Variants in USP36 observed in about 807,000 individuals in gnomAD.
USP36 encodes the protein ubiquitin specific peptidase 36, also known as ubiquitin carboxyl-terminal hydrolase 36.
In USP36, 59 loss-of-function variants were observed where a neutral mutation model predicts 111.5. The ratio of observed to expected loss-of-function variants is 0.53; its 90% CI spans 0.43 to 0.66. The LOEUF (loss-of-function observed/expected upper bound fraction) is 0.66. USP36 is among the 30% of genes least tolerant of loss of function. The pLI, the probability that USP36 is intolerant of heterozygous loss-of-function variation, is 0.00. For synonymous variants in USP36, 628 were observed against 581.0 expected (o/e 1.08, Z -1.16); for missense variants, 1,488 against 1,468.0 (o/e 1.01, Z -0.22).
At chr17:78,797,909 G>A (rs1178862711) in intron 20 of USP36, 30 bp from the exon 21 acceptor site, 2 of 158,928 alleles carry the variant, frequency 1.3e-5, no homozygotes, top group Admixed American at 1.2e-4. Context: ...AGTCCTGACA[G>A]AGAGAAACGA....
At chr17:78,801,397 G>C (rs992154564) in intron 17 of USP36, among the ~76,000 whole-genome samples, 4 of 152,138 alleles carry the variant, frequency 2.6e-5, no homozygotes, top group African/African-American at 9.7e-5. Flanking sequence ...TTAAGAGTTG[G>C]ATAAATACAA....
intron 4 of USP36, among the ~76,000 whole-genome samples, chr17:78,831,633 C>T (rs1463281625): frequency 6.6e-6 from 1 of 151,880 alleles, no homozygotes; most frequent in Non-Finnish European, 1.5e-5. Flanking sequence ...GAAATTAAGC[C>T]TCTAATCATT....
intron 10 of USP36, among the ~76,000 whole-genome samples, chr17:78,816,027 C>T (rs1236139266): frequency 1.3e-5 from 2 of 152,140 alleles, no homozygotes; most frequent in Non-Finnish European, 2.9e-5. Flanking sequence ...ATATTCTTAG[C>T]AGTAATAGTG....
chr17:78,839,814 A>G lies in USP36; in HGVS notation c.-174+922T>C, dbSNP rs763755761. On this transcript the variant is annotated intron_variant, in intron 1 of 20. Coordinates refer to ENST00000449938, the MANE Select transcript of USP36 (RefSeq NM_001385174.1). ...TAATCACTAGCAATCCCTCCGACGC[A>G]CACACCATCCACACTCTACCCAACT... 5.9e-5 allele frequency among the ~76,000 whole-genome samples: 9 copies of G among 152,268 alleles called. No individual in the cohort carries two copies. The Middle Eastern group carries it at 0.014, about 230-fold the overall frequency.
Position 78,798,669 on chromosome 17 carries a change from C to T in USP36, c.3241-118G>A. 1 of 1,491,604 alleles carries T rather than the reference C, an allele frequency of 6.7e-7. No individual in the cohort carries two copies. Among genetic ancestry groups the T allele is most frequent in the Middle Eastern group, 1.8e-4 (1 of 5,680 alleles). The allele number at this position is 1,491,604 out of a possible 1,614,324, so 92.4% of individuals were successfully genotyped here. A position where few individuals can be genotyped will look rare whatever the true frequency, so the allele number is the denominator to read the frequency against. ...CGGGCTCTCATGAGCTCTCTGGAGA[C>T]CCACTCTTCACAATGACCCCTGTGC... On this transcript the variant is annotated intron_variant, in intron 19 of 20. Coordinates refer to ENST00000449938, the MANE Select transcript of USP36 (RefSeq NM_001385174.1). This position sits in a 1 kb window ranked among gnomAD's most constrained non-coding sequence, Gnocchi z 5.1.
intron 10 of USP36, among the ~76,000 whole-genome samples, chr17:78,816,306 C>T (rs149516702): frequency 1.2e-3 from 179 of 152,064 alleles, no homozygotes; most frequent in Middle Eastern, 6.8e-3. Context: ...ACTATAGGCA[C>T]GCGCCACCAT....
intron 2 of USP36, 143 bp from the exon 3 acceptor site, chr17:78,836,515 C>A (rs1195735824): frequency 4.0e-5 from 44 of 1,109,050 alleles, no homozygotes; most frequent in Non-Finnish European, 5.3e-5. Context: ...ATCAGCTGCA[C>A]AAAGGAAACA....
chr17:78,794,523 T>A (rs138032507), downstream of USP36, among the ~76,000 whole-genome samples: 268 of 152,272 alleles, frequency 1.8e-3, no homozygotes, highest in Non-Finnish European at 2.9e-3. Context: ...CCTGGAGCCG[T>A]CAGTCCTGCC....
chr17:78,827,283 G>A lies in USP36; in HGVS notation c.651C>T (p.Ile217=), dbSNP rs754264254. The change falls in exon 6 of 21, where the codon ATC becomes ATT. Residue 217 remains isoleucine, a synonymous_variant. Transcript: ENST00000449938. ...EDAHEFLRYT[I]DAMQKACLNG... is the part of the protein sequence containing the mutation. ...TCAGGCAGGCTTTCTGCATGGCGTC[G>A]ATGGTGTACCGCAGGAACTCATGCG... The A allele has an allele frequency of 1.4e-4, 223 of 1,613,916 alleles. 1 individual carries two copies. Among genetic ancestry groups the A allele is most frequent in the Non-Finnish European group, 1.2e-4 (142 of 1,180,044 alleles).
downstream of USP36, among the ~76,000 whole-genome samples, chr17:78,795,009 GA>G (rs78492260): frequency 0.018 from 2,043 of 115,518 alleles, 47 homozygotes; most frequent in African/African-American, 0.057. This position sits in a 1 kb window ranked among gnomAD's most constrained non-coding sequence, Gnocchi z 4.5. Context: ...CTCTGTTCGG[GA>G]AAAAAAAAAA....
chr17:78,827,168 T>G, intron 6 of USP36, 77 bp downstream of exon 6: 9 of 1,416,566 alleles, frequency 6.4e-6, no homozygotes, highest in Non-Finnish European at 8.5e-6. Context: ...GGCTGGCTGT[T>G]GCCATAGGAA....
Position 78,807,268 on chromosome 17 carries a change from G to C in USP36, c.1776C>G (p.Asn592Lys). The C allele has an allele frequency of 6.2e-7, 1 of 1,614,052 alleles. No individual in the cohort carries two copies. Among genetic ancestry groups the C allele is most frequent in the Non-Finnish European group, 8.5e-7 (1 of 1,179,992 alleles). Reference sequence around the variant, plus strand: ...CGTCGTTCCCCTTCAGCCCATGCCCGTTGGCAGTGGCTGTAGCCAGGAGCT... The same window carrying C: ...CGTCGTTCCCCTTCAGCCCATGCCCCTTGGCAGTGGCTGTAGCCAGGAGCT... ...SPKLLATATANGHGLKGNDES... is the reference protein window; with the variant it reads ...SPKLLATATAKGHGLKGNDES... Residue 592 changes from asparagine to lysine, a missense_variant, in exon 14 of 21, where the codon AAC (asparagine) becomes AAG (lysine). Coordinates refer to ENST00000449938, the MANE Select transcript of USP36 (RefSeq NM_001385174.1).
rs1409324492 is a variant in USP36 at position 78,806,233 on chromosome 17, T to C, written c.2139A>G (p.Ser713=). The part of the protein sequence containing the change: ...TGNDLRPPPP[S]PSSDLTHPMK... ...TGGGGTGGGTGAGGTCGGAGGATGG[T>C]GAGGGGGGAGGTGGACGGAGGTCAT... Residue 713 remains serine (S), a synonymous_variant, in exon 15 of 21, where the codon TCA becomes TCG. Coordinates refer to ENST00000449938, the MANE Select transcript of USP36 (RefSeq NM_001385174.1). The C allele has an allele frequency of 5.0e-6, 8 of 1,613,130 alleles. No homozygotes were observed. The highest frequency in any genetic ancestry group is 2.7e-5 in the African/African-American group (2 of 74,800).
At chr17:78,820,474 TA>T (rs886269854) in intron 8 of USP36, among the ~76,000 whole-genome samples, 3 of 150,856 alleles carry the variant, frequency 2.0e-5, no homozygotes, top group South Asian at 2.1e-4. Context: ...CAAGCCCCTA[TA>T]AAAAAAAAGC....
chr17:78,797,783 T>C lies in USP36; in HGVS notation c.*117A>G, dbSNP rs1381530615. 2.0e-5 allele frequency: 3 copies of C among 152,842 alleles called. No homozygotes were observed. The highest frequency in any genetic ancestry group is 7.2e-5 in the African/African-American group (3 of 41,422). The allele number at this position is 152,842 out of a possible 1,614,324, so 9.5% of individuals were successfully genotyped here. A position where few individuals can be genotyped will look rare whatever the true frequency, so the allele number is the denominator to read the frequency against. On this transcript the variant is annotated 3_prime_UTR_variant, in exon 21 of 21. Transcript: ENST00000449938. ...TGGACACTGGTACCGGGAGAGCTCC[T>C]ACCGTGACAGGCTCCCAGCGCAGCA...
intron 4 of USP36, among the ~76,000 whole-genome samples, chr17:78,832,536 G>A (rs1396366173): frequency 3.9e-5 from 6 of 152,242 alleles, no homozygotes; most frequent in African/African-American, 9.6e-5. Flanking sequence ...TTACTCACAC[G>A]CTTGCTGCTG....
chr17:78,807,133 G>A lies in USP36; in HGVS notation c.1911C>T (p.Leu637=). 6.2e-7 allele frequency: 1 copy of A among 1,614,252 alleles called. No individual in the cohort carries two copies. The highest frequency in any genetic ancestry group is 8.5e-7 in the Non-Finnish European group (1 of 1,180,042). The change falls in exon 14 of 21, where the codon CTC becomes CTT. Residue 637 remains leucine (L), a synonymous_variant. Transcript: ENST00000449938. ...PQTPRSGAAH[L]CDSQETNCST... Reference sequence around the variant, plus strand: ...AACAGTTCGTTTCCTGAGAATCGCAGAGATGGGCCGCTCCACTCCTGGGGG... The same window carrying A: ...AACAGTTCGTTTCCTGAGAATCGCAAAGATGGGCCGCTCCACTCCTGGGGG...
At chr17:78,790,092 C>CTT (rs113006106) in intron 3 of USP36, among the ~76,000 whole-genome samples, 11 of 145,774 alleles carry the variant, frequency 7.5e-5, no homozygotes, top group Middle Eastern at 3.5e-3. Context: ...AGAATAATAC[C>CTT]TTTTTTTTTT....
intron 4 of USP36, among the ~76,000 whole-genome samples, chr17:78,834,737 T>C (rs1052630673): frequency 6.6e-6 from 1 of 152,112 alleles, no homozygotes; most frequent in African/African-American, 2.4e-5. Context: ...CCTTGATTTG[T>C]TTTTGTAGAG....
Sources: allele counts gnomAD v4.1 joint callset (sites outside exome capture counted in the v4.1 genomes callset), GRCh38; gene constraint gnomAD v4.1.1; non-coding constraint Gnocchi (gnomAD v3.1); transcripts MANE v1.5; gene names NCBI Gene and HGNC (gene_info 2026-07-23, HGNC 2026-07-21).